Variants in LGI1 observed in about 807,000 individuals in gnomAD.
LGI1 encodes leucine-rich glioma-inactivated protein 1.
LGI1 carries 11 observed loss-of-function variants against 57.7 expected under a neutral mutation model. That is an observed-to-expected ratio of 0.19 (90% CI 0.12 to 0.32). The LOEUF is 0.32. Ranked by LOEUF, LGI1 falls within the 10% of genes least tolerant of loss-of-function variation. The pLI, the probability that LGI1 is intolerant of heterozygous loss-of-function variation, is 1.00. For synonymous variants in LGI1, 222 were observed against 241.9 expected (o/e 0.92, Z 0.76); for missense variants, 422 against 661.9 (o/e 0.64, Z 3.98).
chr10:93,777,947 C>A (rs1300285515), intron 4 of LGI1, among the ~76,000 whole-genome samples: 2 of 152,170 alleles, frequency 1.3e-5, no homozygotes, highest in Non-Finnish European at 2.9e-5. Context: ...TTGATATCAG[C>A]TTTTTTTCCC....
intron 7 of LGI1, among the ~76,000 whole-genome samples, chr10:93,796,369 T>C (rs1353889220): frequency 6.6e-6 from 1 of 152,150 alleles, no homozygotes; most frequent in East Asian, 1.9e-4. Flanking sequence ...CCTTTGGTTA[T>C]CTAAGATCTT....
At chr10:93,787,321 C>T (rs2059899416) in intron 4 of LGI1, among the ~76,000 whole-genome samples, 1 of 152,190 alleles carries the variant, frequency 6.6e-6, no homozygotes, top group African/African-American at 2.4e-5. Context: ...CCCCCACCCT[C>T]TGATTCCCAA....
chr10:93,765,205 G>A (rs1479189633), intron 2 of LGI1: 1 of 152,156 alleles, frequency 6.6e-6, no homozygotes, highest in Non-Finnish European at 1.5e-5. Context: ...AATAGTTTGG[G>A]TAGGTCACAA....
intron 2 of LGI1, chr10:93,770,612 C>T (rs1380158746): frequency 2.6e-5 from 4 of 152,152 alleles, no homozygotes; most frequent in African/African-American, 9.7e-5. Flanking sequence ...TGTCCTACCT[C>T]TCCGTTCAAC....
rs957215064 is a variant in LGI1 at position 93,797,876 on chromosome 10, CTCT to C, written c.*78_*80del. ...CCCGGATGAACTCAATGCATGATGA[CTCT>C]TCTTATCACACTTGCAAATGAATGC... On this transcript the variant is annotated 3_prime_UTR_variant, in exon 8 of 8. Coordinates refer to ENST00000371418, the MANE Select transcript of LGI1 (RefSeq NM_005097.4). The surrounding 1 kb of genome is among the most constrained non-coding windows in gnomAD (Gnocchi z 6.5). The C allele has an allele frequency of 2.0e-6, 2 of 1,001,320 alleles. No individual in the cohort carries two copies. The highest frequency in any genetic ancestry group is 3.1e-6 in the Non-Finnish European group (2 of 635,394). The allele number at this position is 1,001,320 out of a possible 1,614,324, so 62.0% of individuals were successfully genotyped here. A position where few individuals can be genotyped will look rare whatever the true frequency, so the allele number is the denominator to read the frequency against.
chr10:93,763,701 T>G (rs921153814), intron 2 of LGI1: 3 of 152,146 alleles, frequency 2.0e-5, no homozygotes, highest in African/African-American at 7.2e-5. Context: ...GCTCATGAAG[T>G]TGTGAATTCA....
Position 93,793,192 on chromosome 10 carries a change from C to T in LGI1, c.680C>T (p.Ala227Val), listed in dbSNP as rs750984349. ...TTATTTCCTATTTTTGCAGAATTTG[C>T]AAAGTCTCAAGACCTGCCTTATCAA... The part of the protein sequence containing the change: ...KDFDCIITEF[A>V]KSQDLPYQSL... The change falls in exon 7 of 8, where the codon GCA (alanine) becomes GTA (valine). Residue 227 changes from alanine to valine, a missense_variant. By Grantham distance (64) the Ala-to-Val change is moderately conservative. Transcript: ENST00000371418. 4.3e-6 allele frequency: 7 copies of T among 1,609,852 alleles called. No homozygotes were observed. Among genetic ancestry groups the T allele is most frequent in the Admixed American group, 1.7e-5 (1 of 59,626 alleles).
At position 93,797,946 on chromosome 10, in the gene LGI1, T is replaced by C; in HGVS notation, c.*143T>C. On this transcript the variant is annotated 3_prime_UTR_variant, in exon 8 of 8. Coordinates refer to ENST00000371418, the MANE Select transcript of LGI1 (RefSeq NM_005097.4). This position sits in a 1 kb window ranked among gnomAD's most constrained non-coding sequence, Gnocchi z 6.5. ...CTGCTAGAACCAAGCACTACCAGTATCTCCATCCTTAACTGTCCAGTCCAG... is the reference window on the plus strand; with the variant it reads ...CTGCTAGAACCAAGCACTACCAGTACCTCCATCCTTAACTGTCCAGTCCAG... The C allele has an allele frequency of 1.4e-6, 1 of 712,048 alleles. No individual in the cohort carries two copies. The highest frequency in any genetic ancestry group is 2.5e-6 in the Non-Finnish European group (1 of 394,240). The allele number at this position is 712,048 out of a possible 1,614,324, so 44.1% of individuals were successfully genotyped here. A position where few individuals can be genotyped will look rare whatever the true frequency, so the allele number is the denominator to read the frequency against.
At chr10:93,789,327 G>A (rs1445476758) in intron 4 of LGI1, 1 of 152,338 alleles carries the variant, frequency 6.6e-6, no homozygotes, top group African/African-American at 2.4e-5. Context: ...GAGAAAGGAT[G>A]TACTGGGGAA....
intron 2 of LGI1, chr10:93,765,261 A>G (rs2059662126): frequency 1.3e-5 from 2 of 152,230 alleles, no homozygotes; most frequent in South Asian, 4.1e-4. Flanking sequence ...ACTGGACCTC[A>G]GCTTTTATTG....
intron 4 of LGI1, among the ~76,000 whole-genome samples, chr10:93,781,080 C>T (rs947299772): frequency 1.3e-5 from 2 of 152,084 alleles, no homozygotes; most frequent in Admixed American, 1.3e-4. Flanking sequence ...TATTATAGGC[C>T]GGGCGTGGTG....
intron 4 of LGI1, among the ~76,000 whole-genome samples, chr10:93,787,302 C>T (rs916442696): frequency 2.0e-5 from 3 of 152,176 alleles, no homozygotes; most frequent in African/African-American, 7.2e-5. Context: ...CCCTCTGGCT[C>T]CCCTGCCTCC....
At chr10:93,790,408 TGTCAATACGGCA>T (rs2059926837) in intron 5 of LGI1, 1 of 523,984 alleles carries the variant, frequency 1.9e-6, no homozygotes. Context: ...ACAAAGTGTG[TGTCAATACGGCA>T]GGGAGCGATG....
At chr10:93,794,305 C>G (rs1406730610) in intron 7 of LGI1, 1 of 151,598 alleles carries the variant, frequency 6.6e-6, no homozygotes, top group Non-Finnish European at 1.5e-5. Flanking sequence ...GCGTGAGCCA[C>G]CGCACCCGGC....
intron 2 of LGI1, among the ~76,000 whole-genome samples, chr10:93,773,341 C>G (rs748412875): frequency 3.7e-4 from 57 of 152,018 alleles, no homozygotes; most frequent in Non-Finnish European, 5.1e-4. Flanking sequence ...GAGAGGCCAC[C>G]CAGTGTGTGG....
chr10:93,763,883 T>A (rs2059648079), intron 2 of LGI1: 1 of 152,218 alleles, frequency 6.6e-6, no homozygotes, highest in South Asian at 2.1e-4. Context: ...AAGGGTAAGA[T>A]GCTCCTTTAT....
At chr10:93,774,401 C>G (rs893871850) in intron 2 of LGI1, among the ~76,000 whole-genome samples, 3 of 152,142 alleles carry the variant, frequency 2.0e-5, no homozygotes, top group Admixed American at 6.5e-5. Context: ...TCTCCCACAC[C>G]AGTCTTCAAA....
intron 7 of LGI1, among the ~76,000 whole-genome samples, chr10:93,796,316 A>G (rs553961632): frequency 3.3e-5 from 5 of 152,322 alleles, no homozygotes; most frequent in Admixed American, 3.3e-4. Flanking sequence ...TTAGAGCAAA[A>G]CAATTACAGT....
chr10:93,771,445 C>A (rs971512758), intron 2 of LGI1: 1 of 151,968 alleles, frequency 6.6e-6, no homozygotes, highest in Non-Finnish European at 1.5e-5. Flanking sequence ...CATGTTTTCA[C>A]TTATAAGTGG....
Sources: allele counts gnomAD v4.1 joint callset (sites outside exome capture counted in the v4.1 genomes callset), GRCh38; gene constraint gnomAD v4.1.1; non-coding constraint Gnocchi (gnomAD v3.1); transcripts MANE v1.5; gene names NCBI Gene and HGNC (gene_info 2026-07-23, HGNC 2026-07-21).